The following NOX4 variants were observed in gnomAD, a reference collection of about 807,000 sequenced individuals.
The protein encoded by NOX4 is kidney oxidase-1.
Under a neutral mutation model 87.6 loss-of-function variants are expected in NOX4, and 69 were observed. The ratio of observed to expected loss-of-function variants is 0.79; its 90% CI spans 0.65 to 0.96. The LOEUF is 0.96. NOX4 is among the 40% of genes least tolerant of loss of function. NOX4 has a pLI of 0.00. For synonymous variants in NOX4, 275 were observed against 238.2 expected (o/e 1.15, Z -1.42); for missense variants, 680 against 681.5 (o/e 1.00, Z 0.02).
intron 2 of NOX4, among the ~76,000 whole-genome samples, chr11:89,452,419 T>C (rs1180178066): frequency 6.6e-6 from 1 of 152,198 alleles, no homozygotes; most frequent in Non-Finnish European, 1.5e-5. Flanking sequence ...TCTGGTCACA[T>C]AGTAAGCACG....
chr11:89,444,681 C>T (rs1176234984), intron 4 of NOX4, among the ~76,000 whole-genome samples: 2 of 152,022 alleles, frequency 1.3e-5, no homozygotes, highest in Non-Finnish European at 2.9e-5. Context: ...TACTTCCCTA[C>T]CCCATAAGGT....
intron 11 of NOX4, among the ~76,000 whole-genome samples, chr11:89,386,686 ACT>A: frequency 6.6e-6 from 1 of 151,880 alleles, no homozygotes; most frequent in Admixed American, 6.6e-5. Flanking sequence ...AAAAAAGAGG[ACT>A]CTATTTTTAA....
chr11:89,462,660 A>G (rs574478186), intron 2 of NOX4, among the ~76,000 whole-genome samples: 46 of 152,226 alleles, frequency 3.0e-4, no homozygotes, highest in African/African-American at 1.1e-3. Flanking sequence ...AAAATCACGT[A>G]ACATCCTTGT....
At chr11:89,559,763 C>A in the NOX4 span, among the ~76,000 whole-genome samples, 1 of 151,968 alleles carries the variant, frequency 6.6e-6, no homozygotes, top group South Asian at 2.1e-4. Flanking sequence ...TAACAATTGA[C>A]CCTCAGGAGC....
chr11:89,438,913 AT>A (rs1944320191), intron 6 of NOX4, among the ~76,000 whole-genome samples: 1 of 65,066 alleles, frequency 1.5e-5, no homozygotes, highest in African/African-American at 5.7e-5. Flanking sequence ...ATAATATATA[AT>A]ATAAAATATA....
intron 2 of NOX4, among the ~76,000 whole-genome samples, chr11:89,479,981 G>A (rs1189801104): frequency 1.3e-5 from 2 of 152,036 alleles, no homozygotes; most frequent in South Asian, 4.1e-4. Context: ...GAATATTCAA[G>A]TGCCCCAGTG....
At position 89,414,013 on chromosome 11, in the gene NOX4, A is replaced by C. The variant is rs577468157; in HGVS notation, c.629+7889T>G. Among the ~76,000 whole-genome samples, 103 of 152,028 alleles carry C rather than the reference A, an allele frequency of 6.8e-4. 1 individual carries two copies. Among genetic ancestry groups the C allele is most frequent in the Admixed American group, 2.1e-3 (32 of 15,244 alleles). On this transcript the variant is annotated intron_variant, in intron 8 of 17. Transcript: ENST00000263317. Reference sequence around the variant, plus strand: ...ATGTATATGTGTGTGTATAGTGTCAATTTTATGTATGATAGCTAATATTTC... The same window carrying C: ...ATGTATATGTGTGTGTATAGTGTCACTTTTATGTATGATAGCTAATATTTC...
intron 2 of NOX4, among the ~76,000 whole-genome samples, chr11:89,471,231 C>T (rs1422926452): frequency 6.6e-6 from 1 of 152,076 alleles, no homozygotes; most frequent in African/African-American, 2.4e-5. Context: ...TCCTTGTCTC[C>T]CATATAAAGC....
the NOX4 span, among the ~76,000 whole-genome samples, chr11:89,523,990 G>T: frequency 6.6e-6 from 1 of 152,152 alleles, no homozygotes; most frequent in African/African-American, 2.4e-5. Context: ...GGGGCCAGAG[G>T]AGAATGAACT....
the NOX4 span, among the ~76,000 whole-genome samples, chr11:89,558,135 T>G: frequency 6.6e-6 from 1 of 152,052 alleles, no homozygotes; most frequent in East Asian, 1.9e-4. Context: ...AACAAGAAAC[T>G]ATCTTTTTAC....
chr11:89,356,143 T>C (rs1938028651), intron 12 of NOX4, among the ~76,000 whole-genome samples: 1 of 151,916 alleles, frequency 6.6e-6, no homozygotes, highest in Admixed American at 6.6e-5. Flanking sequence ...AGCAAACCAA[T>C]TAAAAAGGAA....
chr11:89,408,170 C>T (rs1057106474), intron 8 of NOX4, among the ~76,000 whole-genome samples: 37 of 152,070 alleles, frequency 2.4e-4, no homozygotes, highest in African/African-American at 8.9e-4. Context: ...AAGGGTTTAT[C>T]CTGCTCCACT....
the NOX4 span, among the ~76,000 whole-genome samples, chr11:89,507,248 T>G: frequency 6.6e-6 from 1 of 151,980 alleles, no homozygotes; most frequent in Non-Finnish European, 1.5e-5. Context: ...GGTGATGGTT[T>G]CATGGGTGTA....
chr11:89,533,982 T>C, the NOX4 span: 1 of 152,232 alleles, frequency 6.6e-6, no homozygotes, highest in South Asian at 2.1e-4. Context: ...TACATAAATA[T>C]GTTGAAAGGT....
chr11:89,438,770 TA>T (rs1944250218), intron 6 of NOX4, among the ~76,000 whole-genome samples: 2 of 66,242 alleles, frequency 3.0e-5, no homozygotes, highest in South Asian at 4.2e-4. Flanking sequence ...TAATATAATA[TA>T]ATAATATAAT....
chr11:89,458,630 A>G (rs965469578), intron 2 of NOX4, among the ~76,000 whole-genome samples: 1 of 152,198 alleles, frequency 6.6e-6, no homozygotes, highest in Non-Finnish European at 1.5e-5. Flanking sequence ...ATCTCATTAA[A>G]AAGTGGGGTA....
At chr11:89,496,790 T>C (rs560516794), upstream of NOX4, among the ~76,000 whole-genome samples, 31 of 152,320 alleles carry the variant, frequency 2.0e-4, no homozygotes, top group Non-Finnish European at 4.4e-4. Context: ...CTCTCCTCTC[T>C]TTATGTTTCT....
chr11:89,372,965 C>A (rs532757246), intron 12 of NOX4, among the ~76,000 whole-genome samples: 12 of 151,964 alleles, frequency 7.9e-5, no homozygotes, highest in Middle Eastern at 3.4e-3. Context: ...CACCAACAGG[C>A]CTGCTGTGAA....
the NOX4 span, among the ~76,000 whole-genome samples, chr11:89,579,470 T>TA: frequency 1.9e-3 from 271 of 146,388 alleles, 1 homozygote; most frequent in East Asian, 9.8e-3. Context: ...AAAACTGCTT[T>TA]AAAAAAAAAA....
Sources: gnomAD v4.1 joint callset for allele counts (sites outside exome capture counted in the v4.1 genomes callset) on GRCh38, gnomAD v4.1.1 for gene constraint, MANE v1.5 for transcripts, NCBI Gene and HGNC (gene_info 2026-07-23, HGNC 2026-07-21) for gene names.